ZNF737: variants seen among roughly 807,000 people sequenced by gnomAD.
ZNF737 encodes zinc finger protein 102 (Y3).
A neutral mutation model predicts 11.7 loss-of-function variants in ZNF737; 13 were observed. The observed-to-expected ratio is 1.11, with a 90% CI of 0.73 to 1.77. The LOEUF (loss-of-function observed/expected upper bound fraction) is 1.77, where lower values mean the gene tolerates loss of function less well. Ranked by LOEUF, ZNF737 falls within the 40% of genes most tolerant of loss-of-function variation. The pLI is 0.00. For synonymous variants in ZNF737, 217 were observed against 216.2 expected, an observed-to-expected ratio of 1.00 and a Z score of -0.03; for missense variants, 636 against 638.0, an observed-to-expected ratio of 1.00 and a Z score of 0.03.
intron 1 of ZNF737, 84 bp downstream of exon 1, chr19:20,565,554 A>G (rs1416192202): frequency 5.6e-6 from 9 of 1,603,480 alleles, no homozygotes; most frequent in Non-Finnish European, 7.7e-6. Context: ...GACTGCGCAG[A>G]GGCCTGAGTC....
rs200468211 is a variant in ZNF737 at position 20,541,318 on chromosome 19, A to G, written c.*3274T>C. 3.7e-4 allele frequency: 356 copies of G among 955,648 alleles called. No individual in the cohort carries two copies. Among genetic ancestry groups the G allele is most frequent in the Non-Finnish European group, 4.3e-4 (346 of 813,798 alleles). The allele number at this position is 955,648 out of a possible 1,614,324, so 59.2% of individuals were successfully genotyped here. On this transcript the variant is annotated 3_prime_UTR_variant, in exon 4 of 4. Transcript: ENST00000427401. ...ACCTCAGGTTTATCTTCAGAGTAATATGTGTATATTTAACTCTATGTAAAT... is the reference window on the plus strand; with the variant it reads ...ACCTCAGGTTTATCTTCAGAGTAATGTGTGTATATTTAACTCTATGTAAAT...
intron 1 of ZNF737, among the ~76,000 whole-genome samples, chr19:20,562,147 C>T (rs1228728225): frequency 1.3e-5 from 2 of 152,014 alleles, no homozygotes; most frequent in Non-Finnish European, 2.9e-5. Flanking sequence ...CACATTTTCT[C>T]CTTTTTCTCA....
At chr19:20,530,613 T>A in the ZNF737 span, among the ~76,000 whole-genome samples, 5 of 144,134 alleles carry the variant, frequency 3.5e-5, 1 homozygote, top group African/African-American at 1.3e-4. Flanking sequence ...GCCGAGGTGC[T>A]CCTCACATCC....
chr19:20,545,163 C>T lies in ZNF737; in HGVS notation c.1040G>A (p.Gly347Asp). The change falls in exon 4 of 4, where the codon GGC (glycine) becomes GAC (aspartate). Residue 347 changes from glycine (G) to aspartate (D), a missense_variant. Gly to Asp is a moderately conservative substitution (Grantham distance 94). Transcript: ENST00000427401. ...GEKPYKCEEC[G>D]RAFKYFSSLT... is the part of the protein sequence containing the mutation. ...GGATGAGAAGTACTTAAAGGCTCTGCCACATTCTTCACATTTGTAGGGTTT... is the reference window on the plus strand; with the variant it reads ...GGATGAGAAGTACTTAAAGGCTCTGTCACATTCTTCACATTTGTAGGGTTT... 1.9e-6 allele frequency: 3 copies of T among 1,613,444 alleles called. No individual in the cohort carries two copies. Among genetic ancestry groups the T allele is most frequent in the Non-Finnish European group, 2.5e-6 (3 of 1,179,798 alleles).
rs529618337 is a variant in ZNF737, at chr19:20,539,469, C to G, written c.*5123G>C. On this transcript the variant is annotated 3_prime_UTR_variant, in exon 4 of 4. Transcript: ENST00000427401. The stretch of plus-strand genomic sequence containing the variant: ...AGTCATCTGGCCATTTCTGTAAGTA[C>G]GGCAATTATGCGAAGCCATTGAAAA... 1 of 985,216 alleles carries G rather than the reference C, an allele frequency of 1.0e-6. No individual in the cohort carries two copies. Among genetic ancestry groups the G allele is most frequent in the South Asian group, 4.7e-5 (1 of 21,286 alleles). The allele number at this position is 985,216 out of a possible 1,614,324, so 61.0% of individuals were successfully genotyped here. A position where few individuals can be genotyped will look rare whatever the true frequency, so the allele number is the denominator to read the frequency against.
rs1968288840 is a variant in ZNF737 at position 20,543,163 on chromosome 19, T to C, written c.*1429A>G. On this transcript the variant is annotated 3_prime_UTR_variant, in exon 4 of 4. Coordinates refer to ENST00000427401, the MANE Select transcript of ZNF737 (RefSeq NM_001159293.2). ...TTACTGCATCTGCAAAATTATATTT[T>C]AGCATAAACTCTCTGTTGTTTTCTA... The C allele has an allele frequency of 1.3e-5, 13 of 969,066 alleles. No homozygotes were observed. The highest frequency in any genetic ancestry group is 1.6e-5 in the Non-Finnish European group (13 of 816,292). 60.0% of individuals were successfully genotyped at this position (969,066 alleles called of 1,614,324 possible). A position where few individuals can be genotyped will look rare whatever the true frequency, so the allele number is the denominator to read the frequency against.
downstream of ZNF737, among the ~76,000 whole-genome samples, chr19:20,536,435 C>T (rs185893723): frequency 1.3e-5 from 2 of 152,282 alleles, no homozygotes. Flanking sequence ...CCTGCCTCTG[C>T]TATTTCAATG....
chr19:20,564,523 C>T (rs1488090386), intron 1 of ZNF737, among the ~76,000 whole-genome samples: 3 of 152,056 alleles, frequency 2.0e-5, no homozygotes, highest in African/African-American at 4.8e-5. Flanking sequence ...CGTGGTGTCG[C>T]GTGCCCATAG....
intron 1 of ZNF737, 86 bp downstream of exon 1, chr19:20,565,552 A>T: frequency 6.2e-7 from 1 of 1,602,590 alleles, no homozygotes; most frequent in South Asian, 1.1e-5. Context: ...CTGACTGCGC[A>T]GAGGCCTGAG....
chr19:20,565,566 C>T (rs1969266757), intron 1 of ZNF737, 72 bp downstream of exon 1: 3 of 1,612,454 alleles, frequency 1.9e-6, no homozygotes, highest in Non-Finnish European at 2.5e-6. Flanking sequence ...GCCTGAGTCC[C>T]GCCACAGCCA....
chr19:20,543,867 C>G lies in ZNF737; in HGVS notation c.*725G>C. 2 of 984,662 alleles carry G rather than the reference C, an allele frequency of 2.0e-6. No individual in the cohort carries two copies. The highest frequency in any genetic ancestry group is 2.4e-6 in the Non-Finnish European group (2 of 829,310). 61.0% of individuals were successfully genotyped at this position (984,662 alleles called of 1,614,324 possible). On this transcript the variant is annotated 3_prime_UTR_variant, in exon 4 of 4. Transcript: ENST00000427401. ...TTGTGGCTGGGCGTCGTGGCTCACG[C>G]CTGTAATCCCAGCACTTTAGGAGGC... is the stretch of plus-strand genomic sequence containing the variant.
chr19:20,536,475 G>A (rs1207607785), downstream of ZNF737, among the ~76,000 whole-genome samples: 18 of 152,058 alleles, frequency 1.2e-4, no homozygotes, highest in Admixed American at 1.0e-3. Flanking sequence ...GTGAAAAACA[G>A]GCCAGCAGGT....
Position 20,543,561 on chromosome 19 carries a change from AGCTT to A in ZNF737, c.*1027_*1030del. ...TTGTACAATTTTTCTCAAGGATACT[AGCTT>A]TTCTGTGAGATAAGGTGTAAGAACT... On this transcript the variant is annotated 3_prime_UTR_variant, in exon 4 of 4. Transcript: ENST00000427401. 1.0e-6 allele frequency: 1 copy of A among 985,440 alleles called. No homozygotes were observed. The highest frequency in any genetic ancestry group is 1.2e-6 in the Non-Finnish European group (1 of 829,924). 61.0% of individuals were successfully genotyped at this position (985,440 alleles called of 1,614,324 possible). A position where few individuals can be genotyped will look rare whatever the true frequency, so the allele number is the denominator to read the frequency against.
In ZNF737 at chr19:20,541,217, G is replaced by T. The variant is rs1326238712; in HGVS notation, c.*3375C>A. ...CCTAAATAACATAATTTGTTTTGTT[G>T]CAGTAATTGCTTTTATTCTGAAAAT... On this transcript the variant is annotated 3_prime_UTR_variant, in exon 4 of 4. Coordinates refer to ENST00000427401, the MANE Select transcript of ZNF737 (RefSeq NM_001159293.2). 2 of 983,168 alleles carry T rather than the reference G, an allele frequency of 2.0e-6. No individual in the cohort carries two copies. The highest frequency in any genetic ancestry group is 1.2e-6 in the Non-Finnish European group (1 of 828,110). The allele number at this position is 983,168 out of a possible 1,614,324, so 60.9% of individuals were successfully genotyped here.
intron 1 of ZNF737, among the ~76,000 whole-genome samples, chr19:20,562,254 A>T (rs1213600620): frequency 6.6e-6 from 1 of 151,818 alleles, no homozygotes; most frequent in Non-Finnish European, 1.5e-5. Context: ...GCTCACTGCA[A>T]CCTCTGCCTT....
chr19:20,559,405 T>C (rs1237215063), intron 1 of ZNF737, among the ~76,000 whole-genome samples: 1 of 151,982 alleles, frequency 6.6e-6, no homozygotes, highest in Non-Finnish European at 1.5e-5. Context: ...AAAATATACA[T>C]GTGGCTAAGT....
Position 20,538,738 on chromosome 19 carries a change from A to G in ZNF737, c.*5854T>C. The G allele has an allele frequency of 8.1e-6, 8 of 985,386 alleles. No homozygotes were observed. The highest frequency in any genetic ancestry group is 7.0e-5 in the African/African-American group (4 of 57,340). The allele number at this position is 985,386 out of a possible 1,614,324, so 61.0% of individuals were successfully genotyped here. A position where few individuals can be genotyped will look rare whatever the true frequency, so the allele number is the denominator to read the frequency against. On this transcript the variant is annotated 3_prime_UTR_variant, in exon 4 of 4. Transcript: ENST00000427401. The stretch of plus-strand genomic sequence containing the variant: ...AGTGGAGGCACCACACTGCACATCA[A>G]TGCTTTCCACATGCACCCAATAGAG...
In ZNF737 at chr19:20,538,658, C is replaced by T. The variant is rs1476019576; in HGVS notation, c.*5934G>A. The T allele has an allele frequency of 2.0e-6, 2 of 985,102 alleles. No individual in the cohort carries two copies. The highest frequency in any genetic ancestry group is 6.1e-5 in the Admixed American group (1 of 16,266). The allele number at this position is 985,102 out of a possible 1,614,324, so 61.0% of individuals were successfully genotyped here. The stretch of plus-strand genomic sequence containing the variant: ...AACATTTCTAAAACCATTATGGACC[C>T]TGAGTAATTCAGGGGGAATTGGTAT... On this transcript the variant is annotated 3_prime_UTR_variant, in exon 4 of 4. Transcript: ENST00000427401.
intron 3 of ZNF737, among the ~76,000 whole-genome samples, chr19:20,548,287 C>A (rs1324914518): frequency 6.6e-6 from 1 of 152,088 alleles, no homozygotes; most frequent in Non-Finnish European, 1.5e-5. Flanking sequence ...ATAAACATAT[C>A]AAAAAATGTA....
Sources: gnomAD v4.1 joint callset for allele counts (sites outside exome capture counted in the v4.1 genomes callset) on GRCh38, gnomAD v4.1.1 for gene constraint, MANE v1.5 for transcripts, NCBI Gene and HGNC (gene_info 2026-07-23, HGNC 2026-07-21) for gene names.